DPP10: variants seen among roughly 807,000 people sequenced by gnomAD.
DPP10 encodes dipeptidyl peptidase like 10.
Under a neutral mutation model 120.9 loss-of-function variants are expected in DPP10, and 33 were observed. The observed-to-expected ratio is 0.27, with a 90% CI of 0.21 to 0.37. The LOEUF (loss-of-function observed/expected upper bound fraction) is 0.37. Among genes scored for constraint, DPP10 ranks in the 10% least tolerant of loss-of-function variants. DPP10 has a pLI of 1.00. For missense variants in DPP10, 816 were observed against 942.8 expected (o/e 0.87, Z 1.76); for synonymous variants, 337 against 326.1 (o/e 1.03, Z -0.36).
At chr2:115,042,626 G>A (rs1704744809) in intron 1 of DPP10, among the ~76,000 whole-genome samples, 1 of 152,176 alleles carries the variant, frequency 6.6e-6, no homozygotes, top group Non-Finnish European at 1.5e-5. Context: ...AGCTGAAATA[G>A]TTCTTAATTT....
intron 1 of DPP10, 113 bp from the exon 2 acceptor site, chr2:115,309,126 G>T: frequency 1.3e-6 from 1 of 752,512 alleles, no homozygotes; most frequent in Non-Finnish European, 2.2e-6. Flanking sequence ...AAGAGGAAAT[G>T]GATTCTAATC....
chr2:114,978,509 T>A (rs769439160), intron 1 of DPP10, among the ~76,000 whole-genome samples: 3 of 152,120 alleles, frequency 2.0e-5, no homozygotes, highest in Non-Finnish European at 2.9e-5. Context: ...TATAACAACA[T>A]AGGGATTCTC....
At chr2:115,813,955 T>C (rs752354796) in intron 19 of DPP10, among the ~76,000 whole-genome samples, 5 of 152,326 alleles carry the variant, frequency 3.3e-5, no homozygotes, top group South Asian at 2.1e-4. Context: ...CAACTTCCTA[T>C]TGGAACTATA....
intron 17 of DPP10, among the ~76,000 whole-genome samples, chr2:115,783,791 A>G (rs1683038303): frequency 6.6e-6 from 1 of 152,198 alleles, no homozygotes; most frequent in Admixed American, 6.5e-5. Flanking sequence ...TAGAACTATC[A>G]GTGTATAAAA....
intron 1 of DPP10, among the ~76,000 whole-genome samples, chr2:114,858,922 C>T (rs1689580286): frequency 6.6e-6 from 1 of 152,126 alleles, no homozygotes; most frequent in South Asian, 2.1e-4. Context: ...GTGTGACTCT[C>T]CCCACATGGA....
intron 21 of DPP10, among the ~76,000 whole-genome samples, chr2:115,827,410 GTGTGTATATATA>G (rs1217855446): frequency 4.1e-5 from 4 of 97,252 alleles, no homozygotes; most frequent in Admixed American, 9.9e-5. Context: ...GTGTATGTGT[GTGTGTATATATA>G]TATATATATA....
At chr2:115,580,635 A>G (rs2081956076) in intron 5 of DPP10, among the ~76,000 whole-genome samples, 1 of 152,088 alleles carries the variant, frequency 6.6e-6, no homozygotes, top group Non-Finnish European at 1.5e-5. Flanking sequence ...TGTTCTATCT[A>G]CTGGAATATT....
At chr2:115,630,365 G>A (rs943566127) in intron 5 of DPP10, among the ~76,000 whole-genome samples, 9 of 152,086 alleles carry the variant, frequency 5.9e-5, no homozygotes, top group African/African-American at 2.2e-4. Context: ...GAGACAGTTT[G>A]ACTTCCTCTC....
chr2:115,161,934 A>G (rs2104968837), intron 1 of DPP10: 3 of 1,441,408 alleles, frequency 2.1e-6, no homozygotes, highest in Non-Finnish European at 2.7e-6. Flanking sequence ...CGAGGAAGCG[A>G]GCGCCAGCGC....
rs57179920 is a variant in DPP10, at chr2:115,402,949, G to A, written c.271+59037G>A. Among the ~76,000 whole-genome samples, 229 of 140,962 alleles carry A rather than the reference G, an allele frequency of 1.6e-3. 1 individual carries two copies. The highest frequency in any genetic ancestry group is 5.7e-3 in the African/African-American group (214 of 37,694). 92.5% of individuals were successfully genotyped at this position (140,962 alleles called of 152,430 possible). On this transcript the variant is annotated intron_variant, in intron 3 of 25. Coordinates refer to ENST00000410059, the MANE Select transcript of DPP10 (RefSeq NM_020868.6). ...TATATGTATATATATATGTGTGTGT[G>A]TATATATATATATATGTATATATAT...
intron 5 of DPP10, among the ~76,000 whole-genome samples, chr2:115,597,876 C>T (rs2083083561): frequency 6.6e-6 from 1 of 151,970 alleles, no homozygotes; most frequent in Non-Finnish European, 1.5e-5. Context: ...AAGTGTTACT[C>T]TCAAACTATG....
intron 7 of DPP10, among the ~76,000 whole-genome samples, chr2:115,698,743 A>G (rs771900015): frequency 2.0e-5 from 3 of 152,150 alleles, no homozygotes; most frequent in Non-Finnish European, 4.4e-5. Flanking sequence ...AGCCTCCAGC[A>G]CTGTAAATAA....
chr2:114,817,133 C>A (rs1432726610), intron 1 of DPP10, among the ~76,000 whole-genome samples: 1 of 152,174 alleles, frequency 6.6e-6, no homozygotes, highest in African/African-American at 2.4e-5. Flanking sequence ...CCCATGCAAT[C>A]AATCAGCATT....
chr2:115,309,772 G>A (rs568503118), intron 2 of DPP10, among the ~76,000 whole-genome samples: 1 of 152,170 alleles, frequency 6.6e-6, no homozygotes, highest in Non-Finnish European at 1.5e-5. Context: ...AAAAAGATCA[G>A]ATCGAAAGAG....
chr2:115,211,326 C>T (rs934418013), intron 1 of DPP10, among the ~76,000 whole-genome samples: 3 of 150,886 alleles, frequency 2.0e-5, no homozygotes, highest in African/African-American at 7.3e-5. Context: ...TGGCCTAAAC[C>T]AAAATAAAAC....
intron 1 of DPP10, among the ~76,000 whole-genome samples, chr2:114,763,113 G>A (rs148403130): frequency 1.2e-3 from 179 of 152,286 alleles, no homozygotes; most frequent in African/African-American, 4.2e-3. Flanking sequence ...GATTCTAGGA[G>A]GACGTGGTGT....
chr2:115,486,439 A>C (rs1038462660), intron 3 of DPP10, among the ~76,000 whole-genome samples: 8 of 152,180 alleles, frequency 5.3e-5, no homozygotes, highest in Non-Finnish European at 1.2e-4. Flanking sequence ...TATTTTCTGC[A>C]TGTATCACTG....
At chr2:115,842,142 C>G (rs1477239862) in intron 25 of DPP10, 69 bp from the exon 26 acceptor site, 2 of 1,464,486 alleles carry the variant, frequency 1.4e-6, no homozygotes, top group Non-Finnish European at 1.8e-6. Flanking sequence ...CGTTAGGGCT[C>G]AGAAAATGAA....
intron 5 of DPP10, among the ~76,000 whole-genome samples, chr2:115,560,994 C>T (rs936172948): frequency 1.3e-5 from 2 of 151,842 alleles, no homozygotes; most frequent in Non-Finnish European, 2.9e-5. Context: ...TTTTTGCAGT[C>T]GGGAGCCGTA....
Sources: gnomAD v4.1 joint callset for allele counts (sites outside exome capture counted in the v4.1 genomes callset) on GRCh38, gnomAD v4.1.1 for gene constraint, MANE v1.5 for transcripts, NCBI Gene and HGNC (gene_info 2026-07-23, HGNC 2026-07-21) for gene names.